GIT2: variants seen among roughly 807,000 people sequenced by gnomAD.
The protein encoded by GIT2 is GIT ArfGAP 2.
Under a neutral mutation model 100.3 loss-of-function variants are expected in GIT2, and 32 were observed. That is an observed-to-expected ratio of 0.32 (90% CI 0.24 to 0.43). GIT2 has a LOEUF of 0.43. GIT2 is among the 20% of genes least tolerant of loss of function. GIT2 has a pLI of 1.00. For missense variants in GIT2, 737 were observed against 975.1 expected, an observed-to-expected ratio of 0.76 and a Z score of 3.25; for synonymous variants, 353 against 364.1, an observed-to-expected ratio of 0.97 and a Z score of 0.35.
chr12:109,981,169 A>G (rs1886239414), intron 6 of GIT2, 123 bp from the exon 7 acceptor site: 4 of 704,238 alleles, frequency 5.7e-6, no homozygotes, highest in South Asian at 3.2e-5. Context: ...AGAATCATCA[A>G]CCTTCTTGTG....
rs569240030 is a variant in GIT2, at chr12:109,989,903, T to C, written c.187-101A>G. 9.7e-5 allele frequency: 69 copies of C among 712,730 alleles called. No individual in the cohort carries two copies. The East Asian group carries it at 1.7e-3, about 18-fold the overall frequency. 44.2% of individuals were successfully genotyped at this position (712,730 alleles called of 1,614,324 possible). On this transcript the variant is annotated intron_variant, in intron 2 of 19. Coordinates refer to ENST00000355312, the MANE Select transcript of GIT2 (RefSeq NM_057169.5). ...GTAAACAAAGTCCTGTTATAAACAC[T>C]CATTTGTTAGGAATATCATTCATAT...
At chr12:109,987,520 G>A (rs1409085992) in intron 4 of GIT2, among the ~76,000 whole-genome samples, 2 of 152,048 alleles carry the variant, frequency 1.3e-5, no homozygotes, top group Admixed American at 6.6e-5. Context: ...AAGCTGGAGT[G>A]CCATGGTGTA....
chr12:109,990,718 C>A (rs1337951088), intron 2 of GIT2, among the ~76,000 whole-genome samples: 1 of 152,088 alleles, frequency 6.6e-6, no homozygotes, highest in Non-Finnish European at 1.5e-5. Context: ...GAATGTGTAC[C>A]CCAAGATAGA....
At chr12:109,979,094 C>G (rs1007991599) in intron 7 of GIT2, among the ~76,000 whole-genome samples, 27 of 152,040 alleles carry the variant, frequency 1.8e-4, no homozygotes, top group African/African-American at 6.5e-4. Flanking sequence ...TCCCCTTGCT[C>G]AGAGATTTAG....
intron 2 of GIT2, among the ~76,000 whole-genome samples, 158 bp from the exon 3 acceptor site, chr12:109,989,960 G>A (rs1346718694): frequency 1.3e-5 from 2 of 152,126 alleles, no homozygotes; most frequent in Non-Finnish European, 2.9e-5. Context: ...TGAGAAAGAT[G>A]ATCAATCTAT....
At chr12:109,980,269 C>T (rs1471206856) in intron 7 of GIT2, among the ~76,000 whole-genome samples, 1 of 152,172 alleles carries the variant, frequency 6.6e-6, no homozygotes, top group Non-Finnish European at 1.5e-5. Context: ...AGTCTCACCC[C>T]TCTTGCCCAG....
Position 109,948,287 on chromosome 12 carries a change from G to A in GIT2, c.1393-783C>T. On this transcript the variant is annotated intron_variant, in intron 14 of 19. Transcript: ENST00000355312. The surrounding 1 kb of genome is among the most constrained non-coding windows in gnomAD (Gnocchi z 4.3). ...CTGGTGAGTGATCATCTTTCGGCCA[G>A]GGCTGGAATATTTGGCCTTTCTCTC... 1 of 987,028 alleles carries A rather than the reference G, an allele frequency of 1.0e-6. No homozygotes were observed. Among genetic ancestry groups the A allele is most frequent in the Non-Finnish European group, 1.2e-6 (1 of 831,068 alleles). 61.1% of individuals were successfully genotyped at this position (987,028 alleles called of 1,614,324 possible).
upstream of GIT2, chr12:109,998,251 T>C (rs1397136362): frequency 2.6e-5 from 4 of 152,114 alleles, no homozygotes. Flanking sequence ...ATGGTTAGAG[T>C]CTCCGGGTGC....
Position 109,947,238 on chromosome 12 carries a change from G to A in GIT2, c.1641+18C>T, listed in dbSNP as rs569979692. 13 of 1,607,182 alleles carry A rather than the reference G, an allele frequency of 8.1e-6. No homozygotes were observed. The highest frequency in any genetic ancestry group is 4.5e-5 in the East Asian group (2 of 44,782). On this transcript the variant is annotated intron_variant, in intron 15 of 19. Transcript: ENST00000355312. This position sits in a 1 kb window ranked among gnomAD's most constrained non-coding sequence, Gnocchi z 4.3. ...GCTGCATAGAGTGAACAGCAGAAGC[G>A]CCAGTGGTGTTACTTACGTGCGCGG...
chr12:109,992,984 T>C (rs1173150312), intron 1 of GIT2, among the ~76,000 whole-genome samples: 1 of 151,700 alleles, frequency 6.6e-6, no homozygotes, highest in Non-Finnish European at 1.5e-5. Context: ...TTAATTGTTT[T>C]ACATAAACTA....
At chr12:109,995,827 G>T (rs1351172552) in intron 1 of GIT2, among the ~76,000 whole-genome samples, 1 of 152,220 alleles carries the variant, frequency 6.6e-6, no homozygotes, top group Non-Finnish European at 1.5e-5. Context: ...GGCTGCAGCC[G>T]GGAGGACGCT....
At chr12:109,958,632 G>C (rs7980200) in intron 12 of GIT2, among the ~76,000 whole-genome samples, 27,449 of 152,090 alleles carry the variant, frequency 0.18, 4,812 homozygotes, top group African/African-American at 0.46. Flanking sequence ...CTTATTCCTG[G>C]TTGAACAGAT....
chr12:109,978,721 T>C (rs559402310), intron 7 of GIT2, among the ~76,000 whole-genome samples: 1 of 152,374 alleles, frequency 6.6e-6, no homozygotes, highest in African/African-American at 2.4e-5. Flanking sequence ...TCTATTTCTC[T>C]GATGGGACTT....
chr12:109,951,508 T>C (rs1249861056), intron 13 of GIT2, among the ~76,000 whole-genome samples, 192 bp from the exon 14 acceptor site: 1 of 152,178 alleles, frequency 6.6e-6, no homozygotes, highest in East Asian at 1.9e-4. Flanking sequence ...AATTTGAAAG[T>C]CAGTATTTTC....
Position 109,947,459 on chromosome 12 carries a change from TG to T in GIT2, c.1437del (p.Thr480GlnfsTer22), listed in dbSNP as rs1159781675. 6.2e-7 allele frequency: 1 copy of T among 1,613,722 alleles called. No homozygotes were observed. The highest frequency in any genetic ancestry group is 1.7e-5 in the Admixed American group (1 of 60,002). ...GTTTGCACCTGATATACATTGGTTGTGGCCTGTTTCCTGAGGTTCGAATTTT... is the reference window on the plus strand; with the variant it reads ...GTTTGCACCTGATATACATTGGTTGTGCCTGTTTCCTGAGGTTCGAATTTT... ...QSENSNLRKQATTNVYQVQTG... is the reference protein window; with the variant it reads ...QSENSNLRKQXTTNVYQVQTG... On this transcript the variant is annotated frameshift_variant, in exon 15 of 20. Transcript: ENST00000355312. LOFTEE classifies it high-confidence loss of function. The surrounding 1 kb of genome is among the most constrained non-coding windows in gnomAD (Gnocchi z 4.3).
At chr12:109,991,292 A>G (rs1172185896) in intron 2 of GIT2, among the ~76,000 whole-genome samples, 3 of 150,604 alleles carry the variant, frequency 2.0e-5, no homozygotes, top group Admixed American at 1.3e-4. Flanking sequence ...CCTGGATGAC[A>G]GAGTGAGAGT....
At chr12:109,953,032 G>A (rs1012369260) in intron 13 of GIT2, 60 bp downstream of exon 13, 1 of 1,565,288 alleles carries the variant, frequency 6.4e-7, no homozygotes, top group African/African-American at 1.4e-5. Context: ...CAGCAGCTTT[G>A]GCAGGGCTAG....
chr12:109,985,709 C>T (rs991988654), intron 4 of GIT2, among the ~76,000 whole-genome samples: 4 of 151,952 alleles, frequency 2.6e-5, no homozygotes, highest in Admixed American at 6.6e-5. Context: ...AAAAATTAGC[C>T]GGGCATGGTG....
chr12:109,938,779 G>C (rs916114922), intron 17 of GIT2: 10 of 530,796 alleles, frequency 1.9e-5, no homozygotes, highest in African/African-American at 1.7e-4. Context: ...TCACAGGAAG[G>C]GTGAAGGAGG....
Sources: allele counts gnomAD v4.1 joint callset (sites outside exome capture counted in the v4.1 genomes callset), GRCh38; gene constraint gnomAD v4.1.1; non-coding constraint Gnocchi (gnomAD v3.1); transcripts MANE v1.5; gene names NCBI Gene and HGNC (gene_info 2026-07-23, HGNC 2026-07-21).